The following SLC25A13 variants were observed in gnomAD, a reference collection of about 807,000 sequenced individuals.
The protein encoded by SLC25A13 is electrogenic aspartate/glutamate antiporter SLC25A13, mitochondrial.
A neutral mutation model predicts 85.5 loss-of-function variants in SLC25A13; 70 were observed. The ratio of observed to expected loss-of-function variants is 0.82; its 90% CI spans 0.68 to 1.00. The LOEUF is 1.00. Ranked by LOEUF, SLC25A13 falls within the 50% of genes least tolerant of loss-of-function variation. SLC25A13 has a pLI of 0.00. For synonymous variants in SLC25A13, 259 were observed against 288.7 expected (o/e 0.90, Z 1.04); for missense variants, 765 against 819.8 (o/e 0.93, Z 0.82).
chr7:96,192,900 G>A (rs1225850760), intron 6 of SLC25A13, 137 bp downstream of exon 6: 1 of 962,862 alleles, frequency 1.0e-6, no homozygotes, highest in African/African-American at 1.6e-5. Flanking sequence ...CTTTGTTTGA[G>A]TTTAGTAATG....
chr7:96,317,124 C>G (rs1445620094), intron 1 of SLC25A13, among the ~76,000 whole-genome samples: 3 of 152,162 alleles, frequency 2.0e-5, no homozygotes, highest in Admixed American at 2.0e-4. Flanking sequence ...GAATGCACCA[C>G]TATGCCCGGC....
rs562662935 is a variant in SLC25A13, at chr7:96,181,240, C to T, written c.1177+3037G>A. Among the ~76,000 whole-genome samples the T allele has an allele frequency of 3.5e-4, 53 of 152,238 alleles. No individual in the cohort carries two copies. The South Asian group carries it at 7.1e-3, about 20-fold the overall frequency. ...GAGAGGCTCCTGGAAATAAAGAAAACGGAGTTATACCAATACATGGAGAGC... is the reference window on the plus strand; with the variant it reads ...GAGAGGCTCCTGGAAATAAAGAAAATGGAGTTATACCAATACATGGAGAGC... On this transcript the variant is annotated intron_variant, in intron 11 of 17. Coordinates refer to ENST00000265631, the MANE Select transcript of SLC25A13 (RefSeq NM_014251.3).
intron 4 of SLC25A13, among the ~76,000 whole-genome samples, chr7:96,227,367 T>A (rs961588426): frequency 3.9e-5 from 6 of 152,206 alleles, no homozygotes; most frequent in Non-Finnish European, 8.8e-5. Flanking sequence ...TTTATACATA[T>A]ACATATAGAT....
chr7:96,191,170 T>G lies in SLC25A13; in HGVS notation c.693A>C (p.Glu231Asp), dbSNP rs773995033. ...GAGTGCTATAGATCTTTCTAATGAGTTCCATGTTGTTAAGGAGCGAATTAA... is the reference window on the plus strand; with the variant it reads ...GAGTGCTATAGATCTTTCTAATGAGGTCCATGTTGTTAAGGAGCGAATTAA... ...NGFNSLLNNMELIRKIYSTLA... is the reference protein window; with the variant it reads ...NGFNSLLNNMDLIRKIYSTLA... Residue 231 changes from glutamate to aspartate, a missense_variant, in exon 7 of 18, where the codon GAA (glutamate) becomes GAC (aspartate). Glu to Asp is a conservative substitution (Grantham distance 45). Transcript: ENST00000265631. 3.1e-6 allele frequency: 5 copies of G among 1,614,078 alleles called. No individual in the cohort carries two copies. The South Asian group carries it at 5.5e-5, about 18-fold the overall frequency.
At chr7:96,170,658 G>T (rs1793955287) in intron 12 of SLC25A13, among the ~76,000 whole-genome samples, 1 of 152,046 alleles carries the variant, frequency 6.6e-6, no homozygotes, top group Non-Finnish European at 1.5e-5. Flanking sequence ...TCTCAAAATG[G>T]TATGTAGTAC....
intron 3 of SLC25A13, among the ~76,000 whole-genome samples, chr7:96,241,068 AAG>A (rs1491117050): frequency 1.3e-5 from 2 of 149,590 alleles, no homozygotes; most frequent in Non-Finnish European, 3.0e-5. Context: ...GAAAGAAAGA[AAG>A]AAAGAAAGAA....
chr7:96,138,339 C>A (rs1204657545), intron 14 of SLC25A13, among the ~76,000 whole-genome samples: 1 of 151,622 alleles, frequency 6.6e-6, no homozygotes, highest in African/African-American at 2.4e-5. Flanking sequence ...TCTGATGTGT[C>A]TAGTCTGGAT....
chr7:96,295,127 C>T (rs1261123236), intron 2 of SLC25A13, among the ~76,000 whole-genome samples: 10 of 152,068 alleles, frequency 6.6e-5, no homozygotes, highest in Admixed American at 1.3e-4. Flanking sequence ...GAGGCCAAGG[C>T]GTGCAGATCA....
intron 1 of SLC25A13, among the ~76,000 whole-genome samples, chr7:96,301,957 C>T (rs543814308): frequency 2.6e-5 from 4 of 152,248 alleles, no homozygotes; most frequent in East Asian, 1.9e-4. Flanking sequence ...AACAGAAAAA[C>T]TCTATGCATA....
Position 96,170,097 on chromosome 7 carries a change from A to C in SLC25A13, c.1259T>G (p.Met420Arg). 6.2e-7 allele frequency: 1 copy of C among 1,614,240 alleles called. No individual in the cohort carries two copies. The highest frequency in any genetic ancestry group is 1.3e-5 in the African/African-American group (1 of 75,066). ...AAGTGGGACCGAACCATCTTTGTGC[A>C]TAAATTTATCCCTCACAAAATCGTT... is the stretch of plus-strand genomic sequence containing the variant. ...TVNDFVRDKFMHKDGSVPLAA... is the reference protein window; with the variant it reads ...TVNDFVRDKFRHKDGSVPLAA... Residue 420 changes from methionine (M) to arginine (R), a missense_variant, in exon 13 of 18, where the codon ATG becomes AGG. Transcript: ENST00000265631.
intron 4 of SLC25A13, 74 bp from the exon 5 acceptor site, chr7:96,209,051 G>T: frequency 7.0e-7 from 1 of 1,438,138 alleles, no homozygotes; most frequent in Non-Finnish European, 9.7e-7. Context: ...TTATTGAATG[G>T]ATATCGCTTT....
chr7:96,283,588 A>G (rs1460795385), intron 2 of SLC25A13: 1 of 326,838 alleles, frequency 3.1e-6, no homozygotes, highest in East Asian at 8.2e-5. Flanking sequence ...GTTGTAAACA[A>G]CAAGTTAAGG....
chr7:96,155,546 C>T (rs1051231759), intron 13 of SLC25A13, among the ~76,000 whole-genome samples: 1 of 152,152 alleles, frequency 6.6e-6, no homozygotes, highest in Non-Finnish European at 1.5e-5. Context: ...ACAATGTACA[C>T]TTCACCCATG....
At chr7:96,128,178 A>G (rs566472608) in intron 15 of SLC25A13, among the ~76,000 whole-genome samples, 1 of 152,176 alleles carries the variant, frequency 6.6e-6, no homozygotes, top group Non-Finnish European at 1.5e-5. Flanking sequence ...ATGCATTACT[A>G]ATCTTTTTTC....
chr7:96,261,775 C>T lies in SLC25A13; in HGVS notation c.212+15421G>A, dbSNP rs1301856993. Among the ~76,000 whole-genome samples, 7 of 152,176 alleles carry T rather than the reference C, an allele frequency of 4.6e-5. No homozygotes were observed. In the East Asian group the frequency reaches 1.3e-3, roughly 29 times the overall value. On this transcript the variant is annotated intron_variant, in intron 3 of 17. Transcript: ENST00000265631. ...CTGAGTAATTCATTTTAAAAATTTA[C>T]TTCCTCACTGTTGTGGGATTTGGAA... is the stretch of plus-strand genomic sequence containing the variant.
Position 96,120,895 on chromosome 7 carries a change from TC to T in SLC25A13, c.*295del, listed in dbSNP as rs1488891777. On this transcript the variant is annotated 3_prime_UTR_variant, in exon 18 of 18. Coordinates refer to ENST00000265631, the MANE Select transcript of SLC25A13 (RefSeq NM_014251.3). Reference sequence around the variant, plus strand: ...TAGTTCAAGGAGGGGAGTACTAATTTCTATTCTGACTTGCTCCTTTCCCCAA... The same window carrying T: ...TAGTTCAAGGAGGGGAGTACTAATTTTATTCTGACTTGCTCCTTTCCCCAA... 3 of 523,468 alleles carry T rather than the reference TC, an allele frequency of 5.7e-6. No homozygotes were observed. Among genetic ancestry groups the T allele is most frequent in the South Asian group, 4.6e-5 (3 of 65,118 alleles). 32.4% of individuals were successfully genotyped at this position (523,468 alleles called of 1,614,324 possible).
intron 13 of SLC25A13, among the ~76,000 whole-genome samples, chr7:96,157,546 G>A (rs1793331622): frequency 6.6e-6 from 1 of 152,178 alleles, no homozygotes; most frequent in Non-Finnish European, 1.5e-5. Flanking sequence ...GCTCACACCT[G>A]TAATCCCAGC....
intron 3 of SLC25A13, among the ~76,000 whole-genome samples, chr7:96,235,477 A>G (rs1004905035): frequency 3.3e-5 from 5 of 152,230 alleles, no homozygotes; most frequent in African/African-American, 1.2e-4. Context: ...CTAGAAACAG[A>G]CTAGTGTATA....
At chr7:96,153,987 T>C (rs759884660) in intron 13 of SLC25A13, among the ~76,000 whole-genome samples, 10 of 152,204 alleles carry the variant, frequency 6.6e-5, no homozygotes, top group Non-Finnish European at 1.3e-4. Flanking sequence ...GATTCAATGT[T>C]GCAAATACGT....
Sources: gnomAD v4.1 joint callset for allele counts (sites outside exome capture counted in the v4.1 genomes callset) on GRCh38, gnomAD v4.1.1 for gene constraint, MANE v1.5 for transcripts, NCBI Gene and HGNC (gene_info 2026-07-23, HGNC 2026-07-21) for gene names.